Variants in COMMD7 observed in about 807,000 individuals in gnomAD.
The protein encoded by COMMD7 is COMM domain containing 7, also known as COMM domain-containing protein 7.
In COMMD7, 28 loss-of-function variants were observed where a neutral mutation model predicts 34.8. That is an observed-to-expected ratio of 0.80 (90% CI 0.60 to 1.10). The LOEUF (loss-of-function observed/expected upper bound fraction) is 1.10, where lower values mean the gene tolerates loss of function less well. Ranked by LOEUF, COMMD7 falls within the 50% of genes least tolerant of loss-of-function variation. The probability of loss-of-function intolerance (pLI) is 0.00; values close to 1 mark genes in which losing one functional copy is unlikely to be tolerated. For synonymous variants in COMMD7, 80 were observed against 86.4 expected (o/e 0.93, Z 0.41); for missense variants, 211 against 241.6 (o/e 0.87, Z 0.84).
intron 8 of COMMD7, 39 bp from the exon 9 acceptor site, chr20:32,703,497 A>C: frequency 2.5e-6 from 4 of 1,599,434 alleles, no homozygotes; most frequent in Non-Finnish European, 3.4e-6. Flanking sequence ...AATGTTTCCA[A>C]CTCCACAGAA....
chr20:32,711,936 G>A (rs2145722896), intron 3 of COMMD7, among the ~76,000 whole-genome samples: 1 of 152,104 alleles, frequency 6.6e-6, no homozygotes, highest in East Asian at 1.9e-4. Flanking sequence ...TGTAATCCCA[G>A]CACTTTCGGA....
In COMMD7 at chr20:32,740,174, G is replaced by A. The variant is rs1293152093; in HGVS notation, c.84+3134C>T. ...CTATTAAAAATATAAAAAATCAGCC[G>A]GGCATGGTCGCAGGCAGCTGTAGTC... is the stretch of plus-strand genomic sequence containing the variant. On this transcript the variant is annotated intron_variant, in intron 1 of 8. Transcript: ENST00000278980. Among the ~76,000 whole-genome samples the A allele has an allele frequency of 3.5e-4, 49 of 141,306 alleles. 11 individuals are homozygous for A. The highest frequency in any genetic ancestry group is 1.3e-3 in the African/African-American group (47 of 37,342). 92.7% of individuals were successfully genotyped at this position (141,306 alleles called of 152,430 possible). A position where few individuals can be genotyped will look rare whatever the true frequency, so the allele number is the denominator to read the frequency against.
intron 5 of COMMD7, 60 bp downstream of exon 5, chr20:32,706,523 A>G: frequency 4.2e-6 from 6 of 1,424,034 alleles, no homozygotes; most frequent in South Asian, 3.7e-5. Context: ...AAAAAAAAAA[A>G]AAAGAAAGAA....
chr20:32,707,283 C>CA lies in COMMD7; in HGVS notation c.242-524dup, dbSNP rs1242140132. Reference sequence around the variant, plus strand: ...TGGGCAACAGAGCGAGACTCCGTCTCAAAAAAAAAAAATATATATATATAT... The same window carrying CA: ...TGGGCAACAGAGCGAGACTCCGTCTCAAAAAAAAAAAAATATATATATATAT... On this transcript the variant is annotated intron_variant, in intron 3 of 8. Coordinates refer to ENST00000278980, the MANE Select transcript of COMMD7 (RefSeq NM_053041.3). Among the ~76,000 whole-genome samples the CA allele has an allele frequency of 9.7e-3, 650 of 67,048 alleles. 11 individuals are homozygous for CA. Among genetic ancestry groups the CA allele is most frequent in the Admixed American group, 0.011 (69 of 6,414 alleles). 44.0% of individuals were successfully genotyped at this position (67,048 alleles called of 152,430 possible).
intron 5 of COMMD7, among the ~76,000 whole-genome samples, chr20:32,705,790 C>T (rs1378446070): frequency 2.0e-5 from 3 of 152,176 alleles, no homozygotes; most frequent in Non-Finnish European, 4.4e-5. Context: ...CTGGTTAAAG[C>T]TGTGTGTATG....
At chr20:32,704,772 C>A in intron 6 of COMMD7, 42 bp downstream of exon 6, 2 of 1,474,534 alleles carry the variant, frequency 1.4e-6, no homozygotes, top group South Asian at 1.1e-5. Context: ...CACCCCAACC[C>A]TGTACCACCC....
intron 5 of COMMD7, among the ~76,000 whole-genome samples, chr20:32,706,210 AAAAGAAAG>A (rs929954458): frequency 2.6e-5 from 4 of 151,716 alleles, no homozygotes; most frequent in Admixed American, 2.0e-4. Flanking sequence ...AAAAAAAAAA[AAAAGAAAG>A]AAAGAAAGAA....
intron 3 of COMMD7, among the ~76,000 whole-genome samples, chr20:32,721,191 GC>G (rs1203087092): frequency 6.6e-6 from 1 of 152,194 alleles, no homozygotes; most frequent in East Asian, 1.9e-4. Context: ...ACAGTGGGGG[GC>G]CAAGTGCGGT....
chr20:32,734,799 C>CT lies in COMMD7; in HGVS notation c.85-6658dup, dbSNP rs574957323. On this transcript the variant is annotated intron_variant, in intron 1 of 8. Transcript: ENST00000278980. ...AAAAATTAGCCAGGTGTGGTGGTAG[C>CT]TGTAGTCCCAGCTACTCGGGAGGCT... is the stretch of plus-strand genomic sequence containing the variant. 5.9e-5 allele frequency among the ~76,000 whole-genome samples: 9 copies of CT among 151,972 alleles called. No homozygotes were observed. The South Asian group carries it at 1.2e-3, about 21-fold the overall frequency.
chr20:32,708,656 C>CTTTTTT (rs34027862), intron 3 of COMMD7, among the ~76,000 whole-genome samples: 8 of 135,552 alleles, frequency 5.9e-5, no homozygotes, highest in African/African-American at 1.7e-4. Flanking sequence ...ATTATTGTAA[C>CTTTTTT]TTTTTTTTTT....
At chr20:32,733,198 G>C (rs1407779717) in intron 1 of COMMD7, among the ~76,000 whole-genome samples, 1 of 152,078 alleles carries the variant, frequency 6.6e-6, no homozygotes, top group Non-Finnish European at 1.5e-5. Flanking sequence ...CTGGGCAACA[G>C]AGTAAGACTC....
intron 3 of COMMD7, among the ~76,000 whole-genome samples, chr20:32,716,465 A>G (rs1171606923): frequency 6.6e-6 from 1 of 152,076 alleles, no homozygotes; most frequent in Admixed American, 6.6e-5. Context: ...AATACAAAAA[A>G]TTAGCCAGGC....
At chr20:32,735,389 C>T (rs1241531850) in intron 1 of COMMD7, among the ~76,000 whole-genome samples, 1 of 151,656 alleles carries the variant, frequency 6.6e-6, no homozygotes, top group Non-Finnish European at 1.5e-5. Context: ...GCGATCATGG[C>T]TCACTGCAAC....
At chr20:32,721,314 T>C (rs939925520) in intron 3 of COMMD7, among the ~76,000 whole-genome samples, 1 of 152,014 alleles carries the variant, frequency 6.6e-6, no homozygotes, top group Non-Finnish European at 1.5e-5. Flanking sequence ...ACTCTATTTA[T>C]TTTTTAAATA....
intron 3 of COMMD7, among the ~76,000 whole-genome samples, chr20:32,719,012 T>G (rs950825126): frequency 1.3e-5 from 2 of 152,140 alleles, no homozygotes; most frequent in Non-Finnish European, 2.9e-5. Flanking sequence ...TCTAACAAAC[T>G]GTACTTCTAC....
chr20:32,716,387 G>A (rs970104510), intron 3 of COMMD7, among the ~76,000 whole-genome samples: 1 of 152,034 alleles, frequency 6.6e-6, no homozygotes. Flanking sequence ...AGGCCGAGGC[G>A]GGCGGATCAC....
intron 3 of COMMD7, among the ~76,000 whole-genome samples, chr20:32,707,715 G>A (rs1020853202): frequency 3.3e-5 from 5 of 151,564 alleles, no homozygotes; most frequent in African/African-American, 1.2e-4. Flanking sequence ...ACGGACTTGG[G>A]GATGGAGCAA....
chr20:32,707,220 C>G (rs1262647094), intron 3 of COMMD7, among the ~76,000 whole-genome samples: 16 of 147,912 alleles, frequency 1.1e-4, no homozygotes, highest in Non-Finnish European at 1.9e-4. Context: ...GGAGGCGGAG[C>G]TTGCAGTGAG....
rs1260570609 is a variant in COMMD7, at chr20:32,743,291, C to T, written c.84+17G>A. On this transcript the variant is annotated intron_variant, in intron 1 of 8. Coordinates refer to ENST00000278980, the MANE Select transcript of COMMD7 (RefSeq NM_053041.3). ...ATCACCTGGGCCCCGCGCCCCACGC[C>T]CCGCCGCCGGGCCCACCTGCGCGCC... The T allele has an allele frequency of 2.0e-6, 3 of 1,512,556 alleles. No individual in the cohort carries two copies. The highest frequency in any genetic ancestry group is 2.8e-5 in the African/African-American group (2 of 70,870). 93.7% of individuals were successfully genotyped at this position (1,512,556 alleles called of 1,614,324 possible). A position where few individuals can be genotyped will look rare whatever the true frequency, so the allele number is the denominator to read the frequency against.
Sources: gnomAD v4.1 joint callset for allele counts (sites outside exome capture counted in the v4.1 genomes callset) on GRCh38, gnomAD v4.1.1 for gene constraint, MANE v1.5 for transcripts, NCBI Gene and HGNC (gene_info 2026-07-23, HGNC 2026-07-21) for gene names.